CMAS: variants seen among roughly 807,000 people sequenced by gnomAD.
CMAS encodes N-acylneuraminate cytidylyltransferase.
CMAS carries 21 observed loss-of-function variants against 53.4 expected under a neutral mutation model. The ratio of observed to expected loss-of-function variants is 0.39; its 90% CI spans 0.28 to 0.57. The LOEUF (loss-of-function observed/expected upper bound fraction) is 0.57. Ranked by LOEUF, CMAS falls within the 20% of genes least tolerant of loss-of-function variation. The probability of loss-of-function intolerance (pLI) is 0.56; values close to 1 mark genes in which losing one functional copy is unlikely to be tolerated. For synonymous variants in CMAS, 189 were observed against 195.2 expected (o/e 0.97, Z 0.27); for missense variants, 384 against 534.9 (o/e 0.72, Z 2.78).
intron 7 of CMAS, among the ~76,000 whole-genome samples, chr12:22,063,421 A>ACTT (rs1476000549): frequency 9.2e-5 from 14 of 152,204 alleles, no homozygotes; most frequent in African/African-American, 3.4e-4. Context: ...TTCCAACTAT[A>ACTT]CTTATTATCT....
intron 4 of CMAS, chr12:22,060,581 G>GATT: frequency 3.2e-6 from 1 of 316,022 alleles, no homozygotes; most frequent in Non-Finnish European, 6.0e-6. Flanking sequence ...TTGAGCCTAA[G>GATT]ATTTCAAGGT....
At chr12:22,060,744 T>G (rs1382143442) in intron 4 of CMAS, 88 bp from the exon 5 acceptor site, 7 of 757,332 alleles carry the variant, frequency 9.2e-6, no homozygotes, top group Non-Finnish European at 2.3e-6. Flanking sequence ...ACTGTAGAAA[T>G]GAATTCATTG....
At chr12:22,054,975 CAAAATACTT>C (rs1281424784) in intron 1 of CMAS, 165 bp from the exon 2 acceptor site, 4 of 414,454 alleles carry the variant, frequency 9.7e-6, no homozygotes, top group Non-Finnish European at 1.3e-5. Flanking sequence ...TATTTATATA[CAAAATACTT>C]TATAATTTCT....
intron 1 of CMAS, among the ~76,000 whole-genome samples, chr12:22,054,009 C>T (rs1950252268): frequency 6.6e-6 from 1 of 151,686 alleles, no homozygotes; most frequent in Non-Finnish European, 1.5e-5. Flanking sequence ...TCACTGCAAC[C>T]TCTGCCTCCC....
intron 7 of CMAS, among the ~76,000 whole-genome samples, chr12:22,062,808 GTA>G (rs1216432177): frequency 6.6e-6 from 1 of 152,142 alleles, no homozygotes; most frequent in Non-Finnish European, 1.5e-5. Flanking sequence ...AGAATTTCTA[GTA>G]CATATGAATT....
chr12:22,063,961 A>G (rs921223782), intron 7 of CMAS: 1 of 152,016 alleles, frequency 6.6e-6, no homozygotes, highest in Non-Finnish European at 1.5e-5. Flanking sequence ...TCACTCACCA[A>G]TGTTTTATAT....
In CMAS at chr12:22,065,153, A is replaced by G; in HGVS notation, c.1147A>G (p.Arg383Gly). Residue 383 changes from arginine (R) to glycine (G), a missense_variant, in exon 8 of 8, where the codon AGA becomes GGA. Physicochemically the swap from Arg to Gly is moderately radical, Grantham distance 125. Transcript: ENST00000229329. ...AGTGTCTGATGAAGAGTGCTTGAAGAGAGTGGGCCTAAGTGGCGCTCCTGC... is the reference window on the plus strand; with the variant it reads ...AGTGTCTGATGAAGAGTGCTTGAAGGGAGTGGGCCTAAGTGGCGCTCCTGC... The part of the protein sequence containing the change: ...NEVSDEECLK[R>G]VGLSGAPADA... The G allele has an allele frequency of 6.2e-7, 1 of 1,613,426 alleles. No homozygotes were observed. The highest frequency in any genetic ancestry group is 8.5e-7 in the Non-Finnish European group (1 of 1,179,526).
In CMAS at chr12:22,060,893, T is replaced by C; in HGVS notation, c.755T>C (p.Ile252Thr). Residue 252 changes from isoleucine (I) to threonine (T), a missense_variant, in exon 5 of 8, where the codon ATT becomes ACT. This residue lies in a region of CMAS where 139 missense variants were observed against 248.0 expected (regional missense o/e 0.56). Transcript: ENST00000229329. ...AEHSVDIDVD[I>T]DWPIAEQRVL... is the part of the protein sequence containing the mutation. ...CATAGTGTGGATATAGATGTGGATA[T>C]TGATTGGCCTATTGCAGAGCAAAGA... 2 of 1,610,868 alleles carry C rather than the reference T, an allele frequency of 1.2e-6. No individual in the cohort carries two copies. Among genetic ancestry groups the C allele is most frequent in the Non-Finnish European group, 1.7e-6 (2 of 1,177,280 alleles).
intron 2 of CMAS, 21 bp downstream of exon 2, chr12:22,055,312 T>C: frequency 6.4e-7 from 1 of 1,557,080 alleles, no homozygotes. Flanking sequence ...GATTAATAGT[T>C]TATTCAAACC....
chr12:22,049,738 C>T (rs745401101), intron 1 of CMAS, among the ~76,000 whole-genome samples: 46 of 152,216 alleles, frequency 3.0e-4, no homozygotes, highest in Non-Finnish European at 5.9e-4. Flanking sequence ...AACCCCATCT[C>T]TACCAAAAAT....
intron 1 of CMAS, among the ~76,000 whole-genome samples, chr12:22,049,904 C>CA (rs11354131): frequency 9.9e-4 from 141 of 141,800 alleles, no homozygotes; most frequent in African/African-American, 2.7e-3. Context: ...GACTCTGTCT[C>CA]AAAAAAAAAA....
At chr12:22,051,524 A>G (rs1436027086) in intron 1 of CMAS, among the ~76,000 whole-genome samples, 3 of 152,180 alleles carry the variant, frequency 2.0e-5, no homozygotes, top group Non-Finnish European at 4.4e-5. Context: ...GGCTAAAGCC[A>G]TTGGCATTAG....
At chr12:22,055,032 C>A in intron 1 of CMAS, 117 bp from the exon 2 acceptor site, 1 of 636,430 alleles carries the variant, frequency 1.6e-6, no homozygotes, top group Non-Finnish European at 2.5e-6. Flanking sequence ...ACATTATTAT[C>A]ATTGTGCAAA....
intron 7 of CMAS, among the ~76,000 whole-genome samples, chr12:22,064,123 A>G (rs1445649397): frequency 6.6e-6 from 1 of 152,218 alleles, no homozygotes; most frequent in African/African-American, 2.4e-5. Flanking sequence ...ATTTAATAAT[A>G]AATGAGAAAA....
rs140406732 is a variant in CMAS at position 22,062,440 on chromosome 12, T to TATC, written c.1114+7_1114+9dup. 5.1e-3 allele frequency: 8,155 copies of TATC among 1,611,100 alleles called. 382 individuals carry two copies. The African/African-American group carries it at 0.094, about 19-fold the overall frequency. ...GAAAGAAGTGGCATATCTTGGTTGG[T>TATC]ATCTTTTTATTCACCCATAGTAAAA... On this transcript the variant is annotated splice_region_variant and intron_variant, in intron 7 of 7. Coordinates refer to ENST00000229329, the MANE Select transcript of CMAS (RefSeq NM_018686.6).
At chr12:22,047,222 A>G (rs1018604651) in intron 1 of CMAS, among the ~76,000 whole-genome samples, 10 of 152,190 alleles carry the variant, frequency 6.6e-5, no homozygotes, top group African/African-American at 1.9e-4. Flanking sequence ...TCATTTAATC[A>G]TACCTTTGGA....
chr12:22,046,537 G>A lies in CMAS; in HGVS notation c.234G>A (p.Ala78=). The change falls in exon 1 of 8, where the codon GCG becomes GCA. Residue 78 remains alanine (A), a synonymous_variant. Transcript: ENST00000229329. ...GVPLIGWVLR[A]ALDSGAFQSV... ...CGCTCATTGGCTGGGTCCTGCGTGC[G>A]GCCCTGGATTCAGGGGCCTTCCAGA... The A allele has an allele frequency of 6.3e-7, 1 of 1,598,760 alleles. No homozygotes were observed. The highest frequency in any genetic ancestry group is 2.3e-5 in the East Asian group (1 of 43,640).
chr12:22,048,189 T>C (rs774931773), intron 1 of CMAS, among the ~76,000 whole-genome samples: 16 of 152,364 alleles, frequency 1.1e-4, no homozygotes, highest in Non-Finnish European at 1.9e-4. Context: ...CTTAGTCTCA[T>C]AGAGCTTACG....
intron 7 of CMAS, among the ~76,000 whole-genome samples, chr12:22,063,428 A>ATCTT (rs1463911795): frequency 6.6e-6 from 1 of 152,186 alleles, no homozygotes; most frequent in South Asian, 2.1e-4. Flanking sequence ...TATACTTATT[A>ATCTT]TCTTTCTTTG....
Sources: gnomAD v4.1 joint callset for allele counts (sites outside exome capture counted in the v4.1 genomes callset) on GRCh38, gnomAD v4.1.1 for gene constraint, gnomAD v4.1.1 regional missense constraint, MANE v1.5 for transcripts, NCBI Gene and HGNC (gene_info 2026-07-23, HGNC 2026-07-21) for gene names.